PCDHGA4: variants seen among roughly 807,000 people sequenced by gnomAD.
The protein encoded by PCDHGA4 is protocadherin gamma-A4.
PCDHGA4 carries 38 observed loss-of-function variants against 54.6 expected under a neutral mutation model. The observed-to-expected ratio is 0.70, with a 90% CI of 0.54 to 0.91. PCDHGA4 has a LOEUF of 0.91. Ranked by LOEUF, PCDHGA4 falls within the 40% of genes least tolerant of loss-of-function variation. The probability of loss-of-function intolerance (pLI) is 0.00; values close to 1 mark genes in which losing one functional copy is unlikely to be tolerated. For missense variants in PCDHGA4, 1,298 were observed against 1,220.9 expected (o/e 1.06, Z -0.94); for synonymous variants, 511 against 512.9 (o/e 1.00, Z 0.05).
intron 1 of PCDHGA4, among the ~76,000 whole-genome samples, chr5:141,461,001 A>C (rs1309762345): frequency 6.7e-6 from 1 of 150,320 alleles, no homozygotes; most frequent in Admixed American, 6.7e-5. Context: ...ATATATGTGT[A>C]TATATATATA....
At chr5:141,458,630 C>T (rs575289408) in intron 1 of PCDHGA4, among the ~76,000 whole-genome samples, 1 of 151,864 alleles carries the variant, frequency 6.6e-6, no homozygotes, top group Admixed American at 6.6e-5. Flanking sequence ...AGTGCAGTGG[C>T]ACAATCCCAG....
chr5:141,411,806 C>G (rs1276116820), intron 1 of PCDHGA4: 1 of 151,860 alleles, frequency 6.6e-6, no homozygotes, highest in Non-Finnish European at 1.5e-5. Flanking sequence ...CGCTTGAGCC[C>G]AGGAAGTCTA....
chr5:141,476,016 G>A lies in PCDHGA4; in HGVS notation c.2515-18791G>A. 7.4e-7 allele frequency: 1 copy of A among 1,359,386 alleles called. No individual in the cohort carries two copies. 84.2% of individuals were successfully genotyped at this position (1,359,386 alleles called of 1,614,324 possible). A position where few individuals can be genotyped will look rare whatever the true frequency, so the allele number is the denominator to read the frequency against. On this transcript the variant is annotated intron_variant, in intron 1 of 3. Coordinates refer to ENST00000571252, the MANE Select transcript of PCDHGA4 (RefSeq NM_018917.4). This position sits in a 1 kb window ranked among gnomAD's most constrained non-coding sequence, Gnocchi z 7.6. ...TCAACGGCATCCAGAAAGCCATGTC[G>A]GACTCGGCGCCCAGCGCCCAAGCGC...
At position 141,390,009 on chromosome 5, in the gene PCDHGA4, A is replaced by G. The variant is rs200734314; in HGVS notation, c.2514+32388A>G. The G allele has an allele frequency of 4.0e-3, 6,510 of 1,613,890 alleles. 27 individuals carry two copies. Among genetic ancestry groups the G allele is most frequent in the Non-Finnish European group, 4.8e-3 (5,639 of 1,179,872 alleles). ...CTTCCTCGTGGCCATGATTCTGGCCATTGCCTTGCGCCTGCGACGCTCCTC... is the reference window on the plus strand; with the variant it reads ...CTTCCTCGTGGCCATGATTCTGGCCGTTGCCTTGCGCCTGCGACGCTCCTC... On this transcript the variant is annotated intron_variant, in intron 1 of 3. Coordinates refer to ENST00000571252, the MANE Select transcript of PCDHGA4 (RefSeq NM_018917.4).
At chr5:141,416,093 C>T (rs1241017265) in intron 1 of PCDHGA4, 1 of 162,720 alleles carries the variant, frequency 6.1e-6, no homozygotes, top group Admixed American at 6.4e-5. Flanking sequence ...AGGAGAAGGG[C>T]AATAGGCCTT....
intron 1 of PCDHGA4, chr5:141,361,398 C>A: frequency 6.2e-7 from 1 of 1,614,006 alleles, no homozygotes; most frequent in African/African-American, 1.3e-5. Context: ...ACAATCTCAC[C>A]ATCACAGCCA....
intron 1 of PCDHGA4, among the ~76,000 whole-genome samples, chr5:141,468,952 G>GT (rs34870721): frequency 0.24 from 35,946 of 151,248 alleles, 4,442 homozygotes; most frequent in Admixed American, 0.32. Flanking sequence ...TAAACCTGTG[G>GT]TTTTTTTTAC....
chr5:141,423,972 T>A (rs1459859824), intron 1 of PCDHGA4: 2 of 1,128,544 alleles, frequency 1.8e-6, no homozygotes, highest in African/African-American at 3.3e-5. Flanking sequence ...CTATTATCAG[T>A]GTATGAGGCT....
At chr5:141,402,514 AAT>A (rs1200847622) in intron 1 of PCDHGA4, among the ~76,000 whole-genome samples, 1 of 152,218 alleles carries the variant, frequency 6.6e-6, no homozygotes, top group East Asian at 1.9e-4. Flanking sequence ...AATATTAAGC[AAT>A]GGTTTGTGAT....
intron 1 of PCDHGA4, among the ~76,000 whole-genome samples, chr5:141,450,008 T>A (rs78952430): frequency 4.8e-4 from 18 of 37,340 alleles, no homozygotes; most frequent in African/African-American, 6.8e-4. Context: ...CCATGTCTCT[T>A]TTTTTTTTTT....
In PCDHGA4 at chr5:141,490,639, C is replaced by T. The variant is rs1345892739; in HGVS notation, c.2515-4168C>T. 25 of 1,614,200 alleles carry T rather than the reference C, an allele frequency of 1.5e-5. No homozygotes were observed. Among genetic ancestry groups the T allele is most frequent in the East Asian group, 2.2e-5 (1 of 44,878 alleles). ...TTACACTGCTTACATCCTAGAAAAC[C>T]GGCCTCCGGGCTCCCTTCTTTGCAC... On this transcript the variant is annotated intron_variant, in intron 1 of 3. Transcript: ENST00000571252. This position sits in a 1 kb window ranked among gnomAD's most constrained non-coding sequence, Gnocchi z 5.4.
rs922804811 is a variant in PCDHGA4 at position 141,432,794 on chromosome 5, G to A, written c.2515-62013G>A. On this transcript the variant is annotated intron_variant, in intron 1 of 3. Coordinates refer to ENST00000571252, the MANE Select transcript of PCDHGA4 (RefSeq NM_018917.4). This position sits in a 1 kb window ranked among gnomAD's most constrained non-coding sequence, Gnocchi z 6.0. ...AGTCCTGGCGGACCTCGGCAGCCTC[G>A]AGTCTCCAGCTAACTCTGAAACCTC... The A allele has an allele frequency of 3.7e-6, 6 of 1,614,138 alleles. No homozygotes were observed. Among genetic ancestry groups the A allele is most frequent in the Non-Finnish European group, 5.1e-6 (6 of 1,180,000 alleles).
At position 141,390,587 on chromosome 5, in the gene PCDHGA4, A is replaced by G. The variant is rs1043489470; in HGVS notation, c.2514+32966A>G. The G allele has an allele frequency of 4.1e-5, 14 of 340,484 alleles. No homozygotes were observed. The Admixed American group carries it at 6.3e-4, about 15-fold the overall frequency. The allele number at this position is 340,484 out of a possible 1,614,324, so 21.1% of individuals were successfully genotyped here. A position where few individuals can be genotyped will look rare whatever the true frequency, so the allele number is the denominator to read the frequency against. Reference sequence around the variant, plus strand: ...TTGGCTCTCTCCTAAAAAGTGAATGAGATTTTTCCTATACATTTTCCTTCT... The same window carrying G: ...TTGGCTCTCTCCTAAAAAGTGAATGGGATTTTTCCTATACATTTTCCTTCT... On this transcript the variant is annotated intron_variant, in intron 1 of 3. Transcript: ENST00000571252.
At chr5:141,384,280 A>G (rs1779919886) in intron 1 of PCDHGA4, 2 of 1,613,714 alleles carry the variant, frequency 1.2e-6, no homozygotes, top group Non-Finnish European at 1.7e-6. Context: ...CTCAGTCTAC[A>G]TCGCTGAGAA....
chr5:141,399,643 C>T, intron 1 of PCDHGA4: 1 of 1,613,832 alleles, frequency 6.2e-7, no homozygotes, highest in Non-Finnish European at 8.5e-7. Context: ...CATGAGCGCG[C>T]AAAGTGGGGT....
chr5:141,362,761 A>G (rs1352755574), intron 1 of PCDHGA4: 3 of 639,654 alleles, frequency 4.7e-6, no homozygotes, highest in Non-Finnish European at 7.9e-6. Flanking sequence ...CCTTTATCAC[A>G]TGAGATATTG....
intron 1 of PCDHGA4, among the ~76,000 whole-genome samples, chr5:141,453,779 C>T (rs138335951): frequency 0.013 from 2,000 of 152,278 alleles, 24 homozygotes; most frequent in Non-Finnish European, 0.021. Flanking sequence ...ATTTTAGTTA[C>T]CATGGTATAT....
At chr5:141,437,345 A>T (rs1018513998) in intron 1 of PCDHGA4, among the ~76,000 whole-genome samples, 2 of 152,252 alleles carry the variant, frequency 1.3e-5, no homozygotes, top group Non-Finnish European at 2.9e-5. Context: ...TCACTGTTTT[A>T]TAGTACCTAA....
At chr5:141,427,870 C>T (rs773176633) in intron 1 of PCDHGA4, 86 of 1,558,630 alleles carry the variant, frequency 5.5e-5, no homozygotes, top group Non-Finnish European at 4.8e-5. Context: ...TTCGAGCTCA[C>T]GATGCAGGCC....
Sources: allele counts gnomAD v4.1 joint callset (sites outside exome capture counted in the v4.1 genomes callset), GRCh38; gene constraint gnomAD v4.1.1; non-coding constraint Gnocchi (gnomAD v3.1); transcripts MANE v1.5; gene names NCBI Gene and HGNC (gene_info 2026-07-23, HGNC 2026-07-21).